The following UNC5D variants were observed in gnomAD, a reference collection of about 807,000 sequenced individuals.
UNC5D encodes netrin receptor UNC5D.
In UNC5D, 39 loss-of-function variants were observed where a neutral mutation model predicts 105.4. The observed-to-expected ratio is 0.37, with a 90% confidence interval of 0.29 to 0.48. UNC5D has a LOEUF of 0.48. UNC5D is among the 20% of genes least tolerant of loss of function. The pLI is 0.98. For synonymous variants in UNC5D, 452 were observed against 450.4 expected (o/e 1.00, Z -0.04); for missense variants, 991 against 1,202.4 (o/e 0.82, Z 2.60).
At chr8:35,615,050 GTCC>G (rs2130999815) in intron 4 of UNC5D, among the ~76,000 whole-genome samples, 1 of 17,348 alleles carries the variant, frequency 5.8e-5, no homozygotes, top group Admixed American at 6.0e-4. Flanking sequence ...CCCCCCCCCC[GTCC>G]CCCACCCCCC....
intron 12 of UNC5D, among the ~76,000 whole-genome samples, chr8:35,750,131 C>T (rs555250425): frequency 6.6e-6 from 1 of 151,994 alleles, no homozygotes; most frequent in African/African-American, 2.4e-5. Flanking sequence ...TGAACATAAC[C>T]ATTTCTTGAG....
intron 1 of UNC5D, among the ~76,000 whole-genome samples, chr8:35,393,166 G>A (rs374500895): frequency 8.9e-6 from 1 of 112,720 alleles, no homozygotes; most frequent in Non-Finnish European, 1.6e-5. Flanking sequence ...ACGGAGTCTC[G>A]CTGTCGCCCA....
chr8:35,545,121 G>C (rs954867535), intron 1 of UNC5D, among the ~76,000 whole-genome samples: 1 of 152,188 alleles, frequency 6.6e-6, no homozygotes, highest in African/African-American at 2.4e-5. Context: ...TTTTCTTTGA[G>C]TTGTAAAGTG....
chr8:35,668,422 CT>C (rs1824570800), intron 4 of UNC5D, among the ~76,000 whole-genome samples: 1 of 152,162 alleles, frequency 6.6e-6, no homozygotes, highest in Non-Finnish European at 1.5e-5. Context: ...ATTTTTTAAA[CT>C]TTTTTTCCAT....
intron 1 of UNC5D, among the ~76,000 whole-genome samples, chr8:35,538,400 TA>T (rs1815012550): frequency 4.2e-5 from 1 of 23,744 alleles, no homozygotes; most frequent in Non-Finnish European, 6.5e-5. Context: ...AATAATTATA[TA>T]TATATATATA....
chr8:35,688,149 A>G (rs1424161681), intron 7 of UNC5D, among the ~76,000 whole-genome samples: 4 of 144,338 alleles, frequency 2.8e-5, no homozygotes, highest in Admixed American at 6.8e-5. Context: ...AAAAAAAACA[A>G]AACAACAACA....
intron 4 of UNC5D, among the ~76,000 whole-genome samples, chr8:35,662,394 T>C (rs1037292468): frequency 6.6e-6 from 1 of 152,130 alleles, no homozygotes; most frequent in African/African-American, 2.4e-5. Context: ...CTGCCAAGGT[T>C]GATAGAGATT....
intron 4 of UNC5D, among the ~76,000 whole-genome samples, chr8:35,604,843 TG>T (rs1820166649): frequency 6.6e-6 from 1 of 152,262 alleles, no homozygotes; most frequent in Admixed American, 6.5e-5. Flanking sequence ...CATCAGTTAC[TG>T]AGGCTTGTGC....
At chr8:35,352,099 AT>A (rs1247783129) in intron 1 of UNC5D, among the ~76,000 whole-genome samples, 1 of 152,160 alleles carries the variant, frequency 6.6e-6, no homozygotes, top group Non-Finnish European at 1.5e-5. Flanking sequence ...ATTTACGAAA[AT>A]TAAATCAACC....
chr8:35,750,477 A>AG, intron 12 of UNC5D, 105 bp from the exon 13 acceptor site: 2 of 1,221,414 alleles, frequency 1.6e-6, no homozygotes, highest in Non-Finnish European at 1.2e-6. Context: ...GACTATTCTG[A>AG]AAACAAATTT....
chr8:35,461,688 C>T (rs762866521), intron 1 of UNC5D, among the ~76,000 whole-genome samples: 10 of 152,154 alleles, frequency 6.6e-5, no homozygotes, highest in African/African-American at 1.2e-4. Flanking sequence ...ACTTCATTTG[C>T]GCTCACAGCA....
At chr8:35,642,045 A>G (rs1822783189) in intron 4 of UNC5D, among the ~76,000 whole-genome samples, 1 of 152,136 alleles carries the variant, frequency 6.6e-6, no homozygotes, top group Non-Finnish European at 1.5e-5. Context: ...GTTGATACTT[A>G]TAGTGTGAGA....
chr8:35,318,110 G>C (rs1318369688), intron 1 of UNC5D, among the ~76,000 whole-genome samples: 1 of 152,022 alleles, frequency 6.6e-6, no homozygotes, highest in Non-Finnish European at 1.5e-5. Flanking sequence ...CAACCTGATT[G>C]CCTTTATTTC....
chr8:35,557,662 C>T (rs1487896653), intron 2 of UNC5D, among the ~76,000 whole-genome samples: 5 of 152,006 alleles, frequency 3.3e-5, no homozygotes, highest in Admixed American at 3.3e-4. Context: ...ATACATGTGT[C>T]CTTAAAAGAG....
chr8:35,475,270 G>T (rs1033863032), intron 1 of UNC5D, among the ~76,000 whole-genome samples: 1 of 152,126 alleles, frequency 6.6e-6, no homozygotes, highest in Non-Finnish European at 1.5e-5. Flanking sequence ...GGAGAGCCAG[G>T]TCTGTGTCTG....
chr8:35,466,587 G>A (rs1351282047), intron 1 of UNC5D, among the ~76,000 whole-genome samples: 2 of 152,032 alleles, frequency 1.3e-5, no homozygotes, highest in African/African-American at 4.8e-5. Flanking sequence ...CCTTAAAAAA[G>A]TCATTTCTAT....
chr8:35,691,695 T>C (rs1456152347), intron 7 of UNC5D, among the ~76,000 whole-genome samples: 2 of 152,192 alleles, frequency 1.3e-5, no homozygotes, highest in Non-Finnish European at 2.9e-5. Flanking sequence ...TTTCTGAGCT[T>C]GAACACCAGA....
intron 1 of UNC5D, among the ~76,000 whole-genome samples, chr8:35,259,842 G>T (rs1040590194): frequency 1.3e-5 from 2 of 151,910 alleles, no homozygotes; most frequent in Non-Finnish European, 2.9e-5. Context: ...TGGAGGAAGT[G>T]GGGAGGGGTG....
intron 4 of UNC5D, among the ~76,000 whole-genome samples, chr8:35,646,080 A>G (rs533898221): frequency 1.3e-5 from 2 of 152,294 alleles, no homozygotes; most frequent in Non-Finnish European, 1.5e-5. Context: ...AATAATATCA[A>G]TTAAGCAATG....
Sources: allele counts gnomAD v4.1 joint callset (sites outside exome capture counted in the v4.1 genomes callset), GRCh38; gene constraint gnomAD v4.1.1; transcripts MANE v1.5; gene names NCBI Gene and HGNC (gene_info 2026-07-23, HGNC 2026-07-21).